Variants in AGBL1 observed in about 807,000 individuals in gnomAD.
AGBL1 encodes the protein cytosolic carboxypeptidase 4.
In AGBL1, 130 loss-of-function variants were observed where a neutral mutation model predicts 118.9. The ratio of observed to expected loss-of-function variants is 1.09; its 90% confidence interval spans 0.95 to 1.26. The LOEUF is 1.26. Ranked by LOEUF, AGBL1 falls within the 50% of genes most tolerant of loss-of-function variation. AGBL1 has a pLI of 0.00. For synonymous variants in AGBL1, 555 were observed against 478.9 expected (o/e 1.16, Z -2.08); for missense variants, 1,584 against 1,298.1 (o/e 1.22, Z -3.38).
At chr15:86,427,556 A>C (rs1256001481) in intron 18 of AGBL1, among the ~76,000 whole-genome samples, 6 of 151,016 alleles carry the variant, frequency 4.0e-5, no homozygotes, top group African/African-American at 7.3e-5. Context: ...GTGCATGGTT[A>C]CAAAAAAAAA....
At chr15:87,015,449 G>A (rs1233214825) in intron 24 of AGBL1, among the ~76,000 whole-genome samples, 1 of 151,894 alleles carries the variant, frequency 6.6e-6, no homozygotes, top group East Asian at 1.9e-4. Context: ...AACCCTGACC[G>A]AATATACTAT....
intron 22 of AGBL1, among the ~76,000 whole-genome samples, chr15:86,865,672 C>T (rs751028474): frequency 3.3e-5 from 5 of 152,202 alleles, no homozygotes; most frequent in Non-Finnish European, 5.9e-5. Context: ...ACCTTAGCTT[C>T]ATCCACTAAC....
intron 21 of AGBL1, among the ~76,000 whole-genome samples, chr15:86,658,195 A>G (rs1223510852): frequency 6.6e-6 from 1 of 152,124 alleles, no homozygotes; most frequent in African/African-American, 2.4e-5. Context: ...TTTTGGTCAC[A>G]GCACTTTCAA....
At chr15:86,418,260 T>C (rs967550141) in intron 18 of AGBL1, among the ~76,000 whole-genome samples, 3 of 152,256 alleles carry the variant, frequency 2.0e-5, no homozygotes, top group Non-Finnish European at 2.9e-5. Context: ...CATTTAGTTA[T>C]GATCATTCAA....
At chr15:86,405,366 A>C (rs1004745894) in intron 18 of AGBL1, among the ~76,000 whole-genome samples, 1 of 151,924 alleles carries the variant, frequency 6.6e-6, no homozygotes, top group African/African-American at 2.4e-5. Flanking sequence ...CCAAAAAAAA[A>C]TTAGCCAGCT....
At chr15:86,839,085 G>T (rs984388080) in intron 22 of AGBL1, among the ~76,000 whole-genome samples, 4 of 151,848 alleles carry the variant, frequency 2.6e-5, no homozygotes, top group African/African-American at 9.7e-5. Context: ...AGGTTGTTTG[G>T]TGAGTGTAGA....
chr15:86,190,628 G>A (rs1051972997), intron 5 of AGBL1, among the ~76,000 whole-genome samples: 1 of 152,086 alleles, frequency 6.6e-6, no homozygotes, highest in Non-Finnish European at 1.5e-5. Context: ...ATGCATAAAA[G>A]CAGATATAAC....
downstream of AGBL1, among the ~76,000 whole-genome samples, chr15:86,919,573 GACAC>G (rs376501612): frequency 0.037 from 4,703 of 128,768 alleles, 134 homozygotes; most frequent in African/African-American, 0.074. Context: ...TCCCTGTTGA[GACAC>G]ACACACACAC....
chr15:86,978,878 C>T (rs1431555859), intron 23 of AGBL1, among the ~76,000 whole-genome samples: 1 of 152,176 alleles, frequency 6.6e-6, no homozygotes, highest in Non-Finnish European at 1.5e-5. Context: ...TGGATCCAGT[C>T]AGGGGGAACC....
At chr15:86,599,525 A>C (rs966981107) in intron 21 of AGBL1, among the ~76,000 whole-genome samples, 2 of 152,082 alleles carry the variant, frequency 1.3e-5, no homozygotes, top group African/African-American at 4.8e-5. Flanking sequence ...AAGTACCTCA[A>C]ATCCTTTGGG....
At chr15:86,172,928 T>G (rs1031902254) in intron 5 of AGBL1, among the ~76,000 whole-genome samples, 3 of 152,182 alleles carry the variant, frequency 2.0e-5, no homozygotes, top group African/African-American at 7.2e-5. Context: ...ACCTGCATAT[T>G]GTTTTCTATA....
chr15:86,677,202 A>G (rs1450370346), intron 22 of AGBL1, among the ~76,000 whole-genome samples: 9 of 152,222 alleles, frequency 5.9e-5, no homozygotes, highest in Non-Finnish European at 1.2e-4. Flanking sequence ...AGTGTACTCA[A>G]TATCCACAGA....
At chr15:86,098,915 T>C (rs1896546088) in intron 1 of AGBL1, among the ~76,000 whole-genome samples, 3 of 152,224 alleles carry the variant, frequency 2.0e-5, no homozygotes, top group African/African-American at 7.2e-5. Flanking sequence ...ATGGTTGTTT[T>C]AACAATATTA....
chr15:86,791,590 C>G (rs2078493819), intron 22 of AGBL1, among the ~76,000 whole-genome samples: 1 of 151,994 alleles, frequency 6.6e-6, no homozygotes, highest in African/African-American at 2.4e-5. Context: ...TTTCTACAAG[C>G]TAATGTCATT....
intron 24 of AGBL1, among the ~76,000 whole-genome samples, chr15:87,009,697 G>A (rs2081538847): frequency 6.6e-6 from 1 of 152,176 alleles, no homozygotes; most frequent in African/African-American, 2.4e-5. Flanking sequence ...AAGCCACAGG[G>A]GCAGAGCTCC....
intron 22 of AGBL1, among the ~76,000 whole-genome samples, chr15:86,766,862 CACA>C (rs1197306938): frequency 2.6e-5 from 4 of 151,894 alleles, no homozygotes; most frequent in Non-Finnish European, 5.9e-5. Context: ...TACACACACA[CACA>C]CACACCCCTC....
chr15:86,551,263 G>C lies in AGBL1; in HGVS notation c.2818-3098G>C, dbSNP rs1047879474. Among the ~76,000 whole-genome samples, 2 of 151,964 alleles carry C rather than the reference G, an allele frequency of 1.3e-5. 1 individual carries two copies. The highest frequency in any genetic ancestry group is 3.8e-4 in the East Asian group (2 of 5,200). ...TGAAATAAAAATCATATGAACAATAGAGAATCCATAAAGAACATGCTTTTC... is the reference window on the plus strand; with the variant it reads ...TGAAATAAAAATCATATGAACAATACAGAATCCATAAAGAACATGCTTTTC... On this transcript the variant is annotated intron_variant, in intron 20 of 22. Coordinates refer to ENST00000614907, the MANE Select transcript of AGBL1 (RefSeq NM_001386094.1).
chr15:86,955,261 T>A (rs1056454966), intron 23 of AGBL1, among the ~76,000 whole-genome samples: 54 of 152,228 alleles, frequency 3.5e-4, no homozygotes, highest in Admixed American at 1.2e-3. Context: ...GAAATTTTTT[T>A]AAAACTCCTA....
intron 14 of AGBL1, among the ~76,000 whole-genome samples, chr15:86,271,182 C>T (rs1158941199): frequency 6.6e-6 from 1 of 151,128 alleles, no homozygotes; most frequent in Non-Finnish European, 1.5e-5. Context: ...TCCCAAGTAG[C>T]TGGGACTACA....
Sources: allele counts gnomAD v4.1 joint callset (sites outside exome capture counted in the v4.1 genomes callset), GRCh38; gene constraint gnomAD v4.1.1; transcripts MANE v1.5; gene names NCBI Gene and HGNC (gene_info 2026-07-23, HGNC 2026-07-21).